SPMIP4: variants seen among roughly 807,000 people sequenced by gnomAD.
The protein encoded by SPMIP4 is sperm-associated microtubule inner protein 4.
At chr7:25,168,494 C>G in the SPMIP4 span, 5 of 1,547,520 alleles carry the variant, frequency 3.2e-6, no homozygotes, top group Non-Finnish European at 4.3e-6. Context: ...TTCAAAGAGC[C>G]TCAGCAACAT....
chr7:25,158,621 T>C, the SPMIP4 span: 1 of 1,021,224 alleles, frequency 9.8e-7, no homozygotes, highest in Non-Finnish European at 1.5e-6. Flanking sequence ...TGATATAGGC[T>C]GGGCATGGTG....
the SPMIP4 span, among the ~76,000 whole-genome samples, chr7:25,130,728 G>T: frequency 6.6e-6 from 1 of 152,144 alleles, no homozygotes; most frequent in African/African-American, 2.4e-5. Context: ...ACAAGTAGGG[G>T]GTTAGTTTTG....
At chr7:25,140,329 T>G in the SPMIP4 span, among the ~76,000 whole-genome samples, 116 of 152,240 alleles carry the variant, frequency 7.6e-4, no homozygotes, top group African/African-American at 2.6e-3. Flanking sequence ...TGAGATGGAG[T>G]CTCACTCTGT....
At chr7:25,172,648 G>C in the SPMIP4 span, among the ~76,000 whole-genome samples, 1 of 152,172 alleles carries the variant, frequency 6.6e-6, no homozygotes, top group South Asian at 2.1e-4. This position sits in a 1 kb window ranked among gnomAD's most constrained non-coding sequence, Gnocchi z 4.2. Flanking sequence ...CCCAAAGTCA[G>C]AAGTGACCAT....
At chr7:25,163,431 C>T in the SPMIP4 span, among the ~76,000 whole-genome samples, 121 of 152,206 alleles carry the variant, frequency 7.9e-4, no homozygotes, top group African/African-American at 2.8e-3. The surrounding 1 kb of genome is among the most constrained non-coding windows in gnomAD (Gnocchi z 4.4). Context: ...GTTATTTGTA[C>T]CCCACAAGAA....
At chr7:25,157,559 T>C in the SPMIP4 span, among the ~76,000 whole-genome samples, 1 of 152,152 alleles carries the variant, frequency 6.6e-6, no homozygotes, top group Non-Finnish European at 1.5e-5. Context: ...TGGTCTTCCT[T>C]CCACAAATAC....
chr7:25,148,477 C>CTTTTTTTTTT, the SPMIP4 span, among the ~76,000 whole-genome samples: 513 of 128,046 alleles, frequency 4.0e-3, 7 homozygotes, highest in African/African-American at 4.5e-3. Flanking sequence ...GAATCTGCCT[C>CTTTTTTTTTT]TTTTTTTTTT....
the SPMIP4 span, among the ~76,000 whole-genome samples, chr7:25,168,630 C>T: frequency 6.6e-6 from 1 of 152,168 alleles, no homozygotes; most frequent in African/African-American, 2.4e-5. Flanking sequence ...GTTATTTAGG[C>T]ATCATGGGAC....
the SPMIP4 span, among the ~76,000 whole-genome samples, chr7:25,149,117 T>A: frequency 6.6e-6 from 1 of 152,250 alleles, no homozygotes; most frequent in South Asian, 2.1e-4. Context: ...TAGGCTGCAG[T>A]TCATTCTGTA....
At chr7:25,171,115 T>A in the SPMIP4 span, among the ~76,000 whole-genome samples, 146,438 of 152,314 alleles carry the variant, frequency 0.96, 70,425 homozygotes, top group Middle Eastern at 1. Context: ...TCTATTCAAT[T>A]GTTACCTTGT....
the SPMIP4 span, among the ~76,000 whole-genome samples, chr7:25,148,028 C>T: frequency 8.5e-5 from 13 of 152,190 alleles, no homozygotes; most frequent in Admixed American, 1.3e-4. Flanking sequence ...CTAAGTTACA[C>T]ATTTTTGGAC....
chr7:25,142,264 T>C, the SPMIP4 span: 2 of 1,613,136 alleles, frequency 1.2e-6, no homozygotes, highest in East Asian at 4.5e-5. Context: ...AATCCTATCT[T>C]TCGTGTTAAC....
At chr7:25,176,787 G>A in the SPMIP4 span, among the ~76,000 whole-genome samples, 1 of 152,332 alleles carries the variant, frequency 6.6e-6, no homozygotes, top group African/African-American at 2.4e-5. The surrounding 1 kb of genome is among the most constrained non-coding windows in gnomAD (Gnocchi z 4.4). Flanking sequence ...TACATTATGA[G>A]GAATGTGTGT....
At chr7:25,147,751 C>T in the SPMIP4 span, among the ~76,000 whole-genome samples, 133,284 of 152,276 alleles carry the variant, frequency 0.88, 58,489 homozygotes, top group Middle Eastern at 0.91. Flanking sequence ...ATAATAATAC[C>T]GATAGCAGCT....
At chr7:25,150,154 A>AT in the SPMIP4 span, among the ~76,000 whole-genome samples, 3 of 152,080 alleles carry the variant, frequency 2.0e-5, no homozygotes, top group Non-Finnish European at 4.4e-5. Context: ...AGGCATAGGG[A>AT]TTTACACTCA....
At chr7:25,164,185 T>A in the SPMIP4 span, among the ~76,000 whole-genome samples, 1 of 152,274 alleles carries the variant, frequency 6.6e-6, no homozygotes, top group East Asian at 1.9e-4. Flanking sequence ...CTGTTATACT[T>A]ATGGTTACAC....
At chr7:25,136,184 CTTCA>C in the SPMIP4 span, 1 of 1,614,162 alleles carries the variant, frequency 6.2e-7, no homozygotes, top group Non-Finnish European at 8.5e-7. The surrounding 1 kb of genome is among the most constrained non-coding windows in gnomAD (Gnocchi z 5.7). Context: ...GGTCTTGTTT[CTTCA>C]TTGTTTTCCA....
chr7:25,154,614 G>A, the SPMIP4 span, among the ~76,000 whole-genome samples: 2 of 152,274 alleles, frequency 1.3e-5, no homozygotes, highest in East Asian at 3.9e-4. Context: ...CTGCATCCAC[G>A]TCCAGACTCT....
the SPMIP4 span, chr7:25,179,327 C>A: frequency 6.3e-7 from 1 of 1,597,740 alleles, no homozygotes; most frequent in Non-Finnish European, 8.5e-7. Flanking sequence ...GCTAAAAAGG[C>A]ACAACCTGGA....
Sources: allele counts gnomAD v4.1 joint callset (sites outside exome capture counted in the v4.1 genomes callset), GRCh38; gene constraint gnomAD v4.1.1; non-coding constraint Gnocchi (gnomAD v3.1); transcripts MANE v1.5; gene names NCBI Gene and HGNC (gene_info 2026-07-23, HGNC 2026-07-21).